PTCHD1: variants seen among roughly 807,000 people sequenced by gnomAD.
PTCHD1 encodes patched domain containing 1.
A neutral mutation model predicts 34.6 loss-of-function variants in PTCHD1; 3 were observed. That is an observed-to-expected ratio of 0.09 (90% CI 0.04 to 0.22). The LOEUF (loss-of-function observed/expected upper bound fraction) is 0.22. Ranked by LOEUF, PTCHD1 falls within the 10% of genes least tolerant of loss-of-function variation. PTCHD1 has a pLI of 1.00. For synonymous variants in PTCHD1, 305 were observed against 283.1 expected, an observed-to-expected ratio of 1.08 and a Z score of -0.77; for missense variants, 504 against 685.5, an observed-to-expected ratio of 0.74 and a Z score of 2.96.
At chrX:23,354,952 C>T (rs780253178) in intron 1 of PTCHD1, among the ~76,000 whole-genome samples, 2 of 106,572 alleles carry the variant, frequency 1.9e-5, no homozygotes, top group South Asian at 4.5e-4. Flanking sequence ...CTAAAGTCCA[C>T]CCAGACATTG....
chrX:23,371,381 T>C (rs1277178949), intron 1 of PTCHD1, among the ~76,000 whole-genome samples: 1 of 111,413 alleles, frequency 9.0e-6, no homozygotes, highest in Non-Finnish European at 1.9e-5. Flanking sequence ...GGAGGCATTG[T>C]CAAGCCAGCT....
In PTCHD1 at chrX:23,392,679, C is replaced by T. The variant is rs1922868022; in HGVS notation, c.1161C>T (p.Gly387=). The T allele has an allele frequency of 8.3e-7, 1 of 1,212,118 alleles. No homozygotes were observed. Among genetic ancestry groups the T allele is most frequent in the Admixed American group, 2.2e-5 (1 of 46,109 alleles). Residue 387 remains glycine, a synonymous_variant, in exon 3 of 3, where the codon GGC becomes GGT. Coordinates refer to ENST00000379361, the MANE Select transcript of PTCHD1 (RefSeq NM_173495.3). Reference sequence around the variant, plus strand: ...CTGCCATGTACCTGGTCACCTTTGGCATAGGGGCCAGCCCTTTCACGAACA... The same window carrying T: ...CTGCCATGTACCTGGTCACCTTTGGTATAGGGGCCAGCCCTTTCACGAACA... The part of the protein sequence containing the change: ...LTTAMYLVTF[G]IGASPFTNIE...
chrX:23,392,854 A>G lies in PTCHD1; in HGVS notation c.1336A>G (p.Lys446Glu). The G allele has an allele frequency of 4.1e-5, 50 of 1,211,847 alleles. No individual in the cohort carries two copies. The highest frequency in any genetic ancestry group is 5.4e-5 in the Non-Finnish European group (48 of 895,379). ...QHSIFCRKVP[K>E]PEALQEKPAW... ...TAGTATCTTCTGTAGAAAAGTCCCA[A>G]AGCCTGAGGCATTGCAGGAGAAGCC... The change falls in exon 3 of 3, where the codon AAG becomes GAG. Residue 446 changes from lysine (K) to glutamate (E), a missense_variant. By Grantham distance (56) the Lys-to-Glu change is moderately conservative (BLOSUM62 1). Transcript: ENST00000379361.
intron 1 of PTCHD1, among the ~76,000 whole-genome samples, chrX:23,340,024 A>G (rs949604550): frequency 1.8e-5 from 2 of 111,650 alleles, no homozygotes; most frequent in Non-Finnish European, 3.8e-5. Flanking sequence ...GGTTGTCACA[A>G]CTTGGGGAAG....
chrX:23,343,682 C>A, intron 1 of PTCHD1, among the ~76,000 whole-genome samples: 1 of 111,915 alleles, frequency 8.9e-6, no homozygotes, highest in Non-Finnish European at 1.9e-5. Flanking sequence ...GATACTGGTA[C>A]AAAATCAGCA....
intron 1 of PTCHD1, among the ~76,000 whole-genome samples, chrX:23,353,876 G>A (rs1044644483): frequency 2.7e-5 from 3 of 112,179 alleles, no homozygotes; most frequent in African/African-American, 9.7e-5. Context: ...CAAATCAGGA[G>A]CAATGGAAAT....
chrX:23,373,251 G>A (rs746832702), intron 1 of PTCHD1, among the ~76,000 whole-genome samples: 3 of 112,713 alleles, frequency 2.7e-5, no homozygotes, highest in Non-Finnish European at 5.6e-5. Context: ...CTGCTTTTCA[G>A]TGTCAGTACC....
rs1426941638 is a variant in PTCHD1 at position 23,395,041 on chromosome X, CA to C, written c.*860del. The C allele has an allele frequency of 2.7e-4, 30 of 111,759 alleles. No homozygotes were observed. The highest frequency in any genetic ancestry group is 9.4e-4 in the African/African-American group (29 of 30,747). 9.2% of individuals were successfully genotyped at this position (111,759 alleles called of 1,213,427 possible). A position where few individuals can be genotyped will look rare whatever the true frequency, so the allele number is the denominator to read the frequency against. On this transcript the variant is annotated 3_prime_UTR_variant, in exon 3 of 3. Transcript: ENST00000379361. ...CTCTTGGCAGGAGGATCCAGGGACC[CA>C]AAACCACAGGGCCAAACCCAAATAC...
intron 1 of PTCHD1, among the ~76,000 whole-genome samples, chrX:23,355,863 C>T (rs1415870660): frequency 8.9e-6 from 1 of 112,226 alleles, no homozygotes; most frequent in African/African-American, 3.2e-5. Context: ...TAATATCTGC[C>T]TGTGTATTCC....
chrX:23,379,220 C>T (rs757922604), intron 1 of PTCHD1, among the ~76,000 whole-genome samples: 7 of 112,348 alleles, frequency 6.2e-5, no homozygotes, highest in Non-Finnish European at 1.1e-4. Context: ...ATAAAGAACA[C>T]GTGGAAAGAA....
At position 23,345,516 on chromosome X, in the gene PTCHD1, T is replaced by A. The variant is rs779049929; in HGVS notation, c.351+10290T>A. Among the ~76,000 whole-genome samples the A allele has an allele frequency of 7.1e-5, 8 of 112,379 alleles. No homozygotes were observed. The South Asian group carries it at 3.0e-3, about 42-fold the overall frequency. Reference sequence around the variant, plus strand: ...ACTCAGTTCTATTTAATTGCCTCTGTAAGCTAAAGTAGTGGCTCTCCAACT... The same window carrying A: ...ACTCAGTTCTATTTAATTGCCTCTGAAAGCTAAAGTAGTGGCTCTCCAACT... On this transcript the variant is annotated intron_variant, in intron 1 of 2. Coordinates refer to ENST00000379361, the MANE Select transcript of PTCHD1 (RefSeq NM_173495.3).
chrX:23,383,616 G>A (rs976630058), intron 2 of PTCHD1, among the ~76,000 whole-genome samples: 1 of 111,551 alleles, frequency 9.0e-6, no homozygotes, highest in African/African-American at 3.3e-5. Context: ...TTTTGGCAAT[G>A]ATGTAAGCAT....
intron 1 of PTCHD1, among the ~76,000 whole-genome samples, chrX:23,360,328 C>A (rs1285035410): frequency 9.0e-6 from 1 of 111,516 alleles, no homozygotes; most frequent in Non-Finnish European, 1.9e-5. Context: ...GTTTCAGAGC[C>A]TGTTGTTGGT....
intron 1 of PTCHD1, among the ~76,000 whole-genome samples, chrX:23,353,998 T>G (rs1921726946): frequency 9.0e-6 from 1 of 111,636 alleles, no homozygotes; most frequent in Non-Finnish European, 1.9e-5. Context: ...TGGGACGCTT[T>G]TTAAAATACA....
chrX:23,354,555 T>G (rs1004199657), intron 1 of PTCHD1, among the ~76,000 whole-genome samples: 2 of 102,682 alleles, frequency 1.9e-5, no homozygotes, highest in Non-Finnish European at 3.9e-5. Context: ...TAGAATGGCT[T>G]GGGAACAAGG....
intron 1 of PTCHD1, among the ~76,000 whole-genome samples, chrX:23,355,305 A>G (rs755390127): frequency 8.9e-6 from 1 of 112,361 alleles, no homozygotes; most frequent in Non-Finnish European, 1.9e-5. Context: ...AAACAATCAG[A>G]GGTTTCCCTA....
intron 1 of PTCHD1, 79 bp from the exon 2 acceptor site, chrX:23,379,512 A>G: frequency 1.0e-6 from 1 of 1,003,583 alleles, no homozygotes; most frequent in East Asian, 3.1e-5. Flanking sequence ...TTTAGCTTAG[A>G]GACGGAATGT....
At chrX:23,370,405 T>C (rs1195956295) in intron 1 of PTCHD1, among the ~76,000 whole-genome samples, 1 of 112,145 alleles carries the variant, frequency 8.9e-6, no homozygotes, top group Non-Finnish European at 1.9e-5. Flanking sequence ...CTGTGAGACC[T>C]CTTTTCAGAT....
At chrX:23,371,362 G>A (rs1002255037) in intron 1 of PTCHD1, among the ~76,000 whole-genome samples, 6 of 111,629 alleles carry the variant, frequency 5.4e-5, no homozygotes, top group Non-Finnish European at 9.4e-5. Flanking sequence ...AAGAAAAGCC[G>A]TCGGCTATGG....
Sources: gnomAD v4.1 joint callset for allele counts (sites outside exome capture counted in the v4.1 genomes callset) on GRCh38, gnomAD v4.1.1 for gene constraint, MANE v1.5 for transcripts, NCBI Gene and HGNC (gene_info 2026-07-23, HGNC 2026-07-21) for gene names.